The following LRRIQ3 variants were observed in gnomAD, a reference collection of about 807,000 sequenced individuals.
LRRIQ3 encodes the protein leucine rich repeats and IQ motif containing 3.
In LRRIQ3, 75 loss-of-function variants were observed where a neutral mutation model predicts 59.3. The observed-to-expected ratio is 1.26, with a 90% CI of 1.05 to 1.53. LRRIQ3 has a LOEUF of 1.53. LRRIQ3 is among the 40% of genes most tolerant of loss of function. The pLI is 0.00. For synonymous variants in LRRIQ3, 250 were observed against 231.3 expected (o/e 1.08, Z -0.73); for missense variants, 831 against 710.0 (o/e 1.17, Z -1.94).
intron 3 of LRRIQ3, among the ~76,000 whole-genome samples, chr1:74,177,227 T>C (rs552480022): frequency 6.6e-6 from 1 of 152,146 alleles, no homozygotes; most frequent in Non-Finnish European, 1.5e-5. Context: ...ATGCCAATTA[T>C]GTAGGCTGGC....
intron 3 of LRRIQ3, among the ~76,000 whole-genome samples, chr1:74,159,324 G>A (rs949489615): frequency 6.6e-5 from 10 of 152,074 alleles, no homozygotes; most frequent in African/African-American, 2.4e-4. Flanking sequence ...CTCCATATAA[G>A]CTCACCAAAT....
intron 6 of LRRIQ3, among the ~76,000 whole-genome samples, chr1:74,068,993 T>C (rs1654945124): frequency 6.6e-6 from 1 of 151,998 alleles, no homozygotes; most frequent in African/African-American, 2.4e-5. Flanking sequence ...CAGATATAAG[T>C]GGATTTGGAG....
chr1:74,162,105 T>C (rs1194209177), intron 3 of LRRIQ3, among the ~76,000 whole-genome samples: 3 of 151,888 alleles, frequency 2.0e-5, no homozygotes, highest in African/African-American at 7.2e-5. Flanking sequence ...TACAACTCAC[T>C]GGGTTGTTGT....
chr1:74,167,686 C>G (rs1371647486), intron 3 of LRRIQ3, among the ~76,000 whole-genome samples: 2 of 151,194 alleles, frequency 1.3e-5, no homozygotes, highest in Admixed American at 1.3e-4. Flanking sequence ...GATGGGAGCA[C>G]CAAAATCTCA....
At chr1:74,106,492 T>C (rs1468545074) in intron 5 of LRRIQ3, among the ~76,000 whole-genome samples, 1 of 152,030 alleles carries the variant, frequency 6.6e-6, no homozygotes, top group Non-Finnish European at 1.5e-5. Flanking sequence ...ATATTCCTTC[T>C]AAATTCATGT....
intron 5 of LRRIQ3, chr1:74,083,984 CAA>C (rs1199305454): frequency 2.3e-6 from 1 of 439,532 alleles, no homozygotes; most frequent in Non-Finnish European, 4.1e-6. Flanking sequence ...CATTTTAATG[CAA>C]GTTTTAAAGT....
intron 6 of LRRIQ3, among the ~76,000 whole-genome samples, chr1:74,055,180 TTATATATATA>T (rs57279520): frequency 0.16 from 22,763 of 139,774 alleles, 1,919 homozygotes; most frequent in African/African-American, 0.21. Context: ...CATATACACT[TTATATATATA>T]TATATATATA....
Position 74,109,543 on chromosome 1 carries a change from A to T in LRRIQ3, c.718T>A (p.Phe240Ile), listed in dbSNP as rs749850220. The change falls in exon 5 of 8, where the codon TTC becomes ATC. Residue 240 changes from phenylalanine to isoleucine, a missense_variant. Coordinates refer to ENST00000354431, the MANE Select transcript of LRRIQ3 (RefSeq NM_001105659.2). The stretch of plus-strand genomic sequence containing the variant: ...TTTTCCTGCTGTTTTTTTTTGTGGA[A>T]AAACACAGGGCTGAATATAAGGGGA... Reference protein sequence around the residue: ...LVRKNLSPVFFHKKKQQEKII... With the variant: ...LVRKNLSPVFIHKKKQQEKII... The T allele has an allele frequency of 6.4e-7, 1 of 1,558,726 alleles. No homozygotes were observed. Among genetic ancestry groups the T allele is most frequent in the Non-Finnish European group, 8.6e-7 (1 of 1,160,116 alleles).
chr1:74,169,910 T>C (rs1344282810), intron 3 of LRRIQ3, among the ~76,000 whole-genome samples: 1 of 152,170 alleles, frequency 6.6e-6, no homozygotes, highest in African/African-American at 2.4e-5. Context: ...ATTTCTCATA[T>C]GATTAGTAGT....
intron 3 of LRRIQ3, chr1:74,181,285 C>G (rs1418437519): frequency 6.6e-6 from 1 of 152,326 alleles, no homozygotes; most frequent in Admixed American, 6.5e-5. Flanking sequence ...CTTCTATCCT[C>G]CATTAATCTG....
chr1:74,108,810 A>C, intron 5 of LRRIQ3: 1 of 315,052 alleles, frequency 3.2e-6, no homozygotes, highest in Middle Eastern at 5.7e-4. Flanking sequence ...CCTATTAATT[A>C]TGTAGCTTTT....
At chr1:74,102,361 G>A (rs1295562347) in intron 5 of LRRIQ3, among the ~76,000 whole-genome samples, 1 of 151,732 alleles carries the variant, frequency 6.6e-6, no homozygotes, top group Non-Finnish European at 1.5e-5. Context: ...TGCCTCAAAA[G>A]TATATAAAAA....
At chr1:74,177,561 G>A (rs908182058) in intron 3 of LRRIQ3, among the ~76,000 whole-genome samples, 4 of 151,930 alleles carry the variant, frequency 2.6e-5, no homozygotes, top group South Asian at 2.1e-4. Flanking sequence ...CTGTTCTATC[G>A]AGTCTGCCTC....
In LRRIQ3 at chr1:74,198,130, C is replaced by G. The variant is rs1412825; in HGVS notation, c.-135G>C. On this transcript the variant is annotated 5_prime_UTR_variant, in exon 1 of 8. It removes an upstream start codon present in the reference 5' UTR. Coordinates refer to ENST00000354431, the MANE Select transcript of LRRIQ3 (RefSeq NM_001105659.2). ...AACAAGACAACATCCAAGTTCTCCA[C>G]ATCATGGTTTTCCGGGCGCCAGCCA... 693,950 of 1,448,888 alleles carry G rather than the reference C, an allele frequency of 0.48. 170,857 individuals are homozygous for G. Among genetic ancestry groups the G allele is most frequent in the East Asian group, 0.7 (29,526 of 41,918 alleles). The allele number at this position is 1,448,888 out of a possible 1,614,324, so 89.8% of individuals were successfully genotyped here.
intron 3 of LRRIQ3, among the ~76,000 whole-genome samples, chr1:74,164,329 T>C (rs1648839528): frequency 6.6e-6 from 1 of 151,358 alleles, no homozygotes; most frequent in Admixed American, 6.6e-5. Context: ...ATGGGTGGGC[T>C]CTAATACAAT....
chr1:74,172,806 C>T (rs1226214353), intron 3 of LRRIQ3, among the ~76,000 whole-genome samples: 1 of 152,070 alleles, frequency 6.6e-6, no homozygotes, highest in African/African-American at 2.4e-5. Flanking sequence ...ACCCTTTTAT[C>T]ATTATTTGAT....
intron 1 of LRRIQ3, among the ~76,000 whole-genome samples, chr1:74,189,304 G>A (rs180988061): frequency 3.3e-5 from 5 of 152,240 alleles, no homozygotes; most frequent in Non-Finnish European, 7.4e-5. Context: ...CAACTGAAGC[G>A]TCTCCTCAGC....
At chr1:74,096,247 T>A (rs1646447752) in intron 5 of LRRIQ3, among the ~76,000 whole-genome samples, 1 of 152,058 alleles carries the variant, frequency 6.6e-6, no homozygotes, top group African/African-American at 2.4e-5. Context: ...CATGATACAG[T>A]AATGGGAGAA....
intron 5 of LRRIQ3, among the ~76,000 whole-genome samples, chr1:74,098,890 G>A (rs1257054132): frequency 6.6e-6 from 1 of 152,130 alleles, no homozygotes. Flanking sequence ...GAATCTCTGG[G>A]ACACATTTAA....
Sources: allele counts gnomAD v4.1 joint callset (sites outside exome capture counted in the v4.1 genomes callset), GRCh38; gene constraint gnomAD v4.1.1; transcripts MANE v1.5; gene names NCBI Gene and HGNC (gene_info 2026-07-23, HGNC 2026-07-21).